Variants in PTPRD observed in about 807,000 individuals in gnomAD.
PTPRD encodes the protein protein tyrosine phosphatase receptor type D, also known as receptor-type tyrosine-protein phosphatase delta.
Under a neutral mutation model 214.5 loss-of-function variants are expected in PTPRD, and 34 were observed. The observed-to-expected ratio is 0.16, with a 90% CI of 0.12 to 0.21. PTPRD has a LOEUF of 0.21. Among genes scored for constraint, PTPRD ranks in the 10% least tolerant of loss-of-function variants. The pLI is 1.00. For missense variants in PTPRD, 2,545 were observed against 2,398.7 expected (o/e 1.06, Z -1.27); for synonymous variants, 1,128 against 845.7 (o/e 1.33, Z -5.79).
intron 11 of PTPRD, among the ~76,000 whole-genome samples, chr9:8,845,218 C>T (rs1201763245): frequency 6.6e-6 from 1 of 151,554 alleles, no homozygotes; most frequent in Non-Finnish European, 1.5e-5. Context: ...TCCTCTGAGA[C>T]CTGGTCCTAA....
intron 7 of PTPRD, among the ~76,000 whole-genome samples, chr9:9,662,470 G>A (rs1357896005): frequency 6.6e-6 from 1 of 151,632 alleles, no homozygotes; most frequent in African/African-American, 2.4e-5. Context: ...ATAATGTATA[G>A]AGAAAACCAT....
intron 8 of PTPRD, among the ~76,000 whole-genome samples, chr9:9,512,006 A>T (rs1405377287): frequency 6.6e-6 from 1 of 151,734 alleles, no homozygotes; most frequent in Non-Finnish European, 1.5e-5. Context: ...TTACAGAAAA[A>T]AATCCCATCT....
chr9:9,695,321 A>G (rs2097352897), intron 7 of PTPRD, among the ~76,000 whole-genome samples: 1 of 152,136 alleles, frequency 6.6e-6, no homozygotes, highest in Non-Finnish European at 1.5e-5. Flanking sequence ...TATCCATGAC[A>G]TAAGACAAAG....
chr9:9,086,034 T>C (rs1049478837), intron 10 of PTPRD, among the ~76,000 whole-genome samples: 2 of 152,166 alleles, frequency 1.3e-5, no homozygotes, highest in African/African-American at 4.8e-5. Flanking sequence ...TTTACTGATA[T>C]ATAGGAAAGT....
chr9:10,098,941 G>A (rs1310853294), intron 3 of PTPRD, among the ~76,000 whole-genome samples: 2 of 151,648 alleles, frequency 1.3e-5, no homozygotes, highest in Non-Finnish European at 2.9e-5. Flanking sequence ...GGAGCAAGAA[G>A]TCAAATAGAA....
intron 9 of PTPRD, among the ~76,000 whole-genome samples, chr9:9,326,140 G>A (rs1049013519): frequency 2.6e-5 from 4 of 152,024 alleles, no homozygotes; most frequent in African/African-American, 9.7e-5. Flanking sequence ...AACTATGAGG[G>A]TTGAGGAAAA....
At chr9:8,865,665 A>C (rs1341155801) in intron 11 of PTPRD, among the ~76,000 whole-genome samples, 1 of 152,098 alleles carries the variant, frequency 6.6e-6, no homozygotes, top group Non-Finnish European at 1.5e-5. Flanking sequence ...CAAGCCCAGA[A>C]CCTGCACTAG....
chr9:10,329,823 CAT>C, intron 3 of PTPRD, among the ~76,000 whole-genome samples: 1 of 151,844 alleles, frequency 6.6e-6, no homozygotes, highest in South Asian at 2.1e-4. Context: ...ATATTGTATA[CAT>C]GTTTCTACCA....
chr9:9,486,536 C>T (rs1049444184), intron 8 of PTPRD, among the ~76,000 whole-genome samples: 2 of 151,990 alleles, frequency 1.3e-5, no homozygotes, highest in Non-Finnish European at 2.9e-5. Context: ...ATCTCTATCG[C>T]TGCCTTCTTA....
chr9:8,860,385 C>G (rs146943657), intron 11 of PTPRD: 3 of 152,336 alleles, frequency 2.0e-5, no homozygotes, highest in Non-Finnish European at 4.4e-5. Flanking sequence ...ATAAGCCCAA[C>G]TTTTCTGACA....
intron 14 of PTPRD, among the ~76,000 whole-genome samples, chr9:8,621,635 A>G (rs1456178544): frequency 1.3e-5 from 2 of 151,646 alleles, no homozygotes; most frequent in East Asian, 2.0e-4. Context: ...AGATGAGGGA[A>G]TTCCATTTGC....
intron 8 of PTPRD, among the ~76,000 whole-genome samples, chr9:9,476,238 C>T (rs140250459): frequency 1.3e-5 from 2 of 152,160 alleles, no homozygotes; most frequent in Admixed American, 6.5e-5. Context: ...AAACTCCTGC[C>T]ATATATATTT....
intron 11 of PTPRD, among the ~76,000 whole-genome samples, chr9:8,800,005 T>C (rs2096539205): frequency 6.6e-6 from 1 of 151,916 alleles, no homozygotes; most frequent in African/African-American, 2.4e-5. Flanking sequence ...TTAGAGAAGA[T>C]GATAAACAAA....
At chr9:9,025,891 C>A (rs1424610974) in intron 10 of PTPRD, among the ~76,000 whole-genome samples, 1 of 151,876 alleles carries the variant, frequency 6.6e-6, no homozygotes, top group African/African-American at 2.4e-5. Flanking sequence ...ATTCAACACA[C>A]ATATTTGAAC....
chr9:10,547,083 G>A (rs115922087), intron 2 of PTPRD, among the ~76,000 whole-genome samples: 2,359 of 152,084 alleles, frequency 0.016, 60 homozygotes, highest in African/African-American at 0.054. Flanking sequence ...TTCTCTAAGT[G>A]TAGGCTAACA....
chr9:10,250,312 C>T (rs888974435), intron 3 of PTPRD, among the ~76,000 whole-genome samples: 1 of 152,064 alleles, frequency 6.6e-6, no homozygotes, highest in Admixed American at 6.6e-5. Flanking sequence ...CTTTACTCAT[C>T]TATATAACCA....
intron 8 of PTPRD, among the ~76,000 whole-genome samples, chr9:9,407,837 T>C (rs570163188): frequency 6.6e-6 from 1 of 151,856 alleles, no homozygotes; most frequent in South Asian, 2.1e-4. Context: ...ATTACTATAT[T>C]TATGATAAAA....
chr9:10,589,823 T>G (rs2074978380), intron 2 of PTPRD, among the ~76,000 whole-genome samples: 1 of 152,012 alleles, frequency 6.6e-6, no homozygotes, highest in Non-Finnish European at 1.5e-5. Context: ...TTGATTGAAT[T>G]TACATTTGAA....
chr9:9,441,741 T>G (rs955309157), intron 8 of PTPRD, among the ~76,000 whole-genome samples: 1 of 152,238 alleles, frequency 6.6e-6, no homozygotes, highest in East Asian at 1.9e-4. Context: ...AATTTGGCAT[T>G]AATGTCCCTT....
Sources: gnomAD v4.1 joint callset for allele counts (sites outside exome capture counted in the v4.1 genomes callset) on GRCh38, gnomAD v4.1.1 for gene constraint, MANE v1.5 for transcripts, NCBI Gene and HGNC (gene_info 2026-07-23, HGNC 2026-07-21) for gene names.